Variants in NDST3 observed in about 807,000 individuals in gnomAD.
NDST3 encodes bifunctional heparan sulfate N-deacetylase/N-sulfotransferase 3.
Under a neutral mutation model 96.1 loss-of-function variants are expected in NDST3, and 58 were observed. The ratio of observed to expected loss-of-function variants is 0.60; its 90% CI spans 0.49 to 0.75. NDST3 has a LOEUF of 0.75. NDST3 is among the 30% of genes least tolerant of loss of function. The probability of loss-of-function intolerance (pLI) is 0.00; values close to 1 mark genes in which losing one functional copy is unlikely to be tolerated. For missense variants in NDST3, 788 were observed against 1,034.2 expected, an observed-to-expected ratio of 0.76 and a Z score of 3.27; for synonymous variants, 333 against 359.7, an observed-to-expected ratio of 0.93 and a Z score of 0.84.
chr4:118,152,578 C>T (rs1292978869), intron 6 of NDST3, among the ~76,000 whole-genome samples: 1 of 152,068 alleles, frequency 6.6e-6, no homozygotes, highest in Non-Finnish European at 1.5e-5. Context: ...GATGAGGTCG[C>T]TTTACTTACA....
chr4:118,057,566 ACAGT>A (rs1308270252), intron 2 of NDST3, among the ~76,000 whole-genome samples: 1 of 152,088 alleles, frequency 6.6e-6, no homozygotes, highest in Non-Finnish European at 1.5e-5. Flanking sequence ...GTTTGAAAGA[ACAGT>A]CAGAGACCAG....
At chr4:118,198,292 A>G (rs1417437304) in intron 6 of NDST3, among the ~76,000 whole-genome samples, 1 of 151,914 alleles carries the variant, frequency 6.6e-6, no homozygotes, top group East Asian at 1.9e-4. Flanking sequence ...TGGTGATATG[A>G]TTTAGTTAGT....
chr4:118,192,700 T>A (rs1385522387), intron 6 of NDST3, among the ~76,000 whole-genome samples: 1 of 150,660 alleles, frequency 6.6e-6, no homozygotes, highest in Non-Finnish European at 1.5e-5. Context: ...GTAGTATAAT[T>A]TGTTTTTTGT....
intron 4 of NDST3, among the ~76,000 whole-genome samples, chr4:118,127,328 T>A (rs1165358482): frequency 6.6e-6 from 1 of 152,102 alleles, no homozygotes; most frequent in Non-Finnish European, 1.5e-5. Context: ...TAGTTTGAGG[T>A]CTTATGTTTA....
intron 6 of NDST3, chr4:118,194,211 A>G (rs12505156): frequency 0.9 from 669,764 of 743,310 alleles, 304,522 homozygotes; most frequent in South Asian, 0.96. Flanking sequence ...TGTTCAAAGA[A>G]CTAGTCCTTG....
intron 2 of NDST3, among the ~76,000 whole-genome samples, chr4:118,081,066 C>T (rs11098424): frequency 0.75 from 114,144 of 151,752 alleles, 45,574 homozygotes; most frequent in South Asian, 0.92. Flanking sequence ...AATTTACTTA[C>T]GCATGTGAAC....
At chr4:118,106,135 A>C (rs1730163255) in intron 3 of NDST3, among the ~76,000 whole-genome samples, 1 of 152,128 alleles carries the variant, frequency 6.6e-6, no homozygotes, top group African/African-American at 2.4e-5. Flanking sequence ...TTCTGCTTTT[A>C]CTTAATGATT....
chr4:118,233,881 T>C (rs903030902), intron 9 of NDST3, among the ~76,000 whole-genome samples: 2 of 152,210 alleles, frequency 1.3e-5, no homozygotes, highest in African/African-American at 4.8e-5. Context: ...TATTTTAGCA[T>C]AGTCATATAT....
At chr4:118,213,714 TATAC>T (rs1399784032) in intron 6 of NDST3, among the ~76,000 whole-genome samples, 1 of 149,966 alleles carries the variant, frequency 6.7e-6, no homozygotes, top group Non-Finnish European at 1.5e-5. Flanking sequence ...AAAAATAATT[TATAC>T]ATAATTTATA....
chr4:118,042,520 A>C (rs1393031973), intron 1 of NDST3, among the ~76,000 whole-genome samples: 1 of 152,082 alleles, frequency 6.6e-6, no homozygotes, highest in African/African-American at 2.4e-5. Flanking sequence ...ATCTGTAAAC[A>C]CTGTCTTTAT....
intron 2 of NDST3, among the ~76,000 whole-genome samples, chr4:118,059,617 G>C (rs1033021029): frequency 6.6e-6 from 1 of 150,536 alleles, no homozygotes; most frequent in Non-Finnish European, 1.5e-5. Flanking sequence ...GCTCTGTGCT[G>C]CTTGACTTCA....
chr4:118,186,740 T>C (rs574916232), intron 6 of NDST3, among the ~76,000 whole-genome samples: 3 of 152,334 alleles, frequency 2.0e-5, no homozygotes, highest in African/African-American at 7.2e-5. Context: ...CACTCAGTAT[T>C]AACCATCACA....
At chr4:118,067,964 T>G (rs1726733282) in intron 2 of NDST3, among the ~76,000 whole-genome samples, 3 of 151,772 alleles carry the variant, frequency 2.0e-5, no homozygotes, top group African/African-American at 7.3e-5. Context: ...GAAAAGAAAT[T>G]GACACAATTT....
intron 2 of NDST3, among the ~76,000 whole-genome samples, chr4:118,078,612 G>C (rs1406097361): frequency 6.6e-6 from 1 of 152,028 alleles, no homozygotes; most frequent in Non-Finnish European, 1.5e-5. Context: ...AGTTGGGCGT[G>C]GTGGCGGATG....
At chr4:118,062,310 T>C (rs1042175910) in intron 2 of NDST3, among the ~76,000 whole-genome samples, 3 of 152,146 alleles carry the variant, frequency 2.0e-5, no homozygotes, top group Admixed American at 1.3e-4. Flanking sequence ...CTCATATATA[T>C]CCATTGCTGC....
chr4:118,242,402 A>C (rs1359981016), intron 12 of NDST3, among the ~76,000 whole-genome samples: 1 of 152,232 alleles, frequency 6.6e-6, no homozygotes, highest in African/African-American at 2.4e-5. Context: ...GGTAAATCTT[A>C]AAACAAACCA....
chr4:118,232,475 T>A (rs631623), intron 8 of NDST3, among the ~76,000 whole-genome samples: 95,214 of 150,954 alleles, frequency 0.63, 32,907 homozygotes, highest in Admixed American at 0.76. Flanking sequence ...ACTAAAAATT[T>A]AAAAAAAATT....
chr4:118,146,937 G>A (rs531082850), intron 6 of NDST3, among the ~76,000 whole-genome samples: 18 of 152,144 alleles, frequency 1.2e-4, no homozygotes, highest in Non-Finnish European at 1.8e-4. Flanking sequence ...ACTTTCCCAC[G>A]TAGATCCTAC....
At chr4:118,042,870 C>T (rs1264403031) in intron 1 of NDST3, among the ~76,000 whole-genome samples, 2 of 152,198 alleles carry the variant, frequency 1.3e-5, no homozygotes, top group Non-Finnish European at 2.9e-5. Context: ...TAATCTCTCT[C>T]TCTTTCTCTC....
Sources: gnomAD v4.1 joint callset for allele counts (sites outside exome capture counted in the v4.1 genomes callset) on GRCh38, gnomAD v4.1.1 for gene constraint, MANE v1.5 for transcripts, NCBI Gene and HGNC (gene_info 2026-07-23, HGNC 2026-07-21) for gene names.